Variants in BICD1 observed in about 807,000 individuals in gnomAD.
BICD1 encodes BICD cargo adaptor 1.
A neutral mutation model predicts 92.5 loss-of-function variants in BICD1; 35 were observed. The observed-to-expected ratio is 0.38, with a 90% CI of 0.29 to 0.50. The LOEUF is 0.50. BICD1 is among the 20% of genes least tolerant of loss of function. The pLI, the probability that BICD1 is intolerant of heterozygous loss-of-function variation, is 0.93. For synonymous variants in BICD1, 429 were observed against 465.1 expected, an observed-to-expected ratio of 0.92 and a Z score of 1.00; for missense variants, 950 against 1,189.8, an observed-to-expected ratio of 0.80 and a Z score of 2.97.
chr12:32,143,803 T>C (rs1177836687), intron 1 of BICD1, among the ~76,000 whole-genome samples: 1 of 152,228 alleles, frequency 6.6e-6, no homozygotes, highest in Non-Finnish European at 1.5e-5. Context: ...TTGGATATTG[T>C]CAGATTTTAA....
intron 2 of BICD1, among the ~76,000 whole-genome samples, chr12:32,245,684 T>G (rs1052176319): frequency 9.9e-5 from 15 of 152,082 alleles, no homozygotes; most frequent in Non-Finnish European, 2.9e-5. Flanking sequence ...AATGAGGTAA[T>G]GCAAAGCTCT....
At chr12:32,293,397 A>G (rs1260767486) in intron 2 of BICD1, among the ~76,000 whole-genome samples, 1 of 151,888 alleles carries the variant, frequency 6.6e-6, no homozygotes, top group Non-Finnish European at 1.5e-5. Context: ...GGCTCACTGC[A>G]ACCTCCGCAT....
At chr12:32,157,685 C>T (rs773062736) in intron 1 of BICD1, among the ~76,000 whole-genome samples, 2 of 152,216 alleles carry the variant, frequency 1.3e-5, no homozygotes, top group South Asian at 2.1e-4. Context: ...CTCAGCATGA[C>T]AGCTGGTTTC....
intron 1 of BICD1, among the ~76,000 whole-genome samples, chr12:32,164,190 TGTTGAGTCAAATCATTGAG>T (rs1402140148): frequency 6.6e-6 from 1 of 152,218 alleles, no homozygotes; most frequent in Non-Finnish European, 1.5e-5. Flanking sequence ...CCTAGACTGA[TGTTGAGTCAAATCATTGAG>T]ACTTACAGAT....
chr12:32,156,756 C>CAGAACACTCATGTTTAGATCAGCCA (rs1379310664), intron 1 of BICD1, among the ~76,000 whole-genome samples: 8 of 152,176 alleles, frequency 5.3e-5, no homozygotes, highest in Non-Finnish European at 1.2e-4. Flanking sequence ...GTGTGTATTG[C>CAGAACACTCATGTTTAGATCAGCCA]AGAACACTCA....
At chr12:32,267,062 G>C (rs2136138176) in intron 2 of BICD1, among the ~76,000 whole-genome samples, 1 of 152,244 alleles carries the variant, frequency 6.6e-6, no homozygotes, top group Non-Finnish European at 1.5e-5. Flanking sequence ...GATGACAGAG[G>C]CTGACATGTC....
At chr12:32,270,983 C>CTT (rs1947124260) in intron 2 of BICD1, among the ~76,000 whole-genome samples, 1 of 152,194 alleles carries the variant, frequency 6.6e-6, no homozygotes, top group Non-Finnish European at 1.5e-5. Flanking sequence ...CAGCCGGAAG[C>CTT]CACCATGCGC....
At chr12:32,375,278 C>A (rs1008669113) in intron 9 of BICD1, among the ~76,000 whole-genome samples, 2 of 151,834 alleles carry the variant, frequency 1.3e-5, no homozygotes, top group Admixed American at 1.3e-4. Flanking sequence ...TGTGTAATCT[C>A]AGCACTTTGA....
At chr12:32,293,663 C>T (rs964819543) in intron 2 of BICD1, among the ~76,000 whole-genome samples, 5 of 151,978 alleles carry the variant, frequency 3.3e-5, no homozygotes, top group Non-Finnish European at 5.9e-5. Context: ...TATAATGTTC[C>T]GTTCAATGGA....
At chr12:32,239,048 C>T (rs1165081561) in intron 2 of BICD1, among the ~76,000 whole-genome samples, 5 of 147,050 alleles carry the variant, frequency 3.4e-5, no homozygotes, top group South Asian at 2.2e-4. Flanking sequence ...AGATCAAGAC[C>T]GTGCTGGCTA....
intron 2 of BICD1, among the ~76,000 whole-genome samples, chr12:32,221,832 C>T (rs1945541749): frequency 6.6e-6 from 1 of 152,076 alleles, no homozygotes; most frequent in Admixed American, 6.5e-5. Flanking sequence ...GTGAAGAAAT[C>T]TCTGAGTTCT....
At chr12:32,221,721 G>A (rs1945538951) in intron 2 of BICD1, among the ~76,000 whole-genome samples, 1 of 151,796 alleles carries the variant, frequency 6.6e-6, no homozygotes, top group African/African-American at 2.4e-5. Flanking sequence ...ATAAAATACA[G>A]GGAGTATAAA....
At chr12:32,354,013 C>G (rs1039962452) in intron 8 of BICD1, 2 of 152,158 alleles carry the variant, frequency 1.3e-5, no homozygotes, top group Non-Finnish European at 2.9e-5. Flanking sequence ...TCTTTCCTAC[C>G]ATAAGCTATT....
At chr12:32,220,208 A>T (rs1286795778) in intron 2 of BICD1, among the ~76,000 whole-genome samples, 1 of 152,206 alleles carries the variant, frequency 6.6e-6, no homozygotes, top group Non-Finnish European at 1.5e-5. Context: ...ATAAAACACC[A>T]AAAGCAATGG....
intron 5 of BICD1, among the ~76,000 whole-genome samples, chr12:32,329,286 A>G (rs776222094): frequency 2.1e-4 from 32 of 152,042 alleles, no homozygotes; most frequent in Non-Finnish European, 4.1e-4. Context: ...TTGTGGAGAC[A>G]GAATTTCACC....
rs61926958 is a variant in BICD1, at chr12:32,272,868, G to A, written c.427-21126G>A. Among the ~76,000 whole-genome samples, 1,080 of 152,232 alleles carry A rather than the reference G, an allele frequency of 7.1e-3. 8 individuals are homozygous for A. The highest frequency in any genetic ancestry group is 0.011 in the Non-Finnish European group (756 of 68,004). On this transcript the variant is annotated intron_variant, in intron 2 of 9. Coordinates refer to ENST00000652176, the MANE Select transcript of BICD1 (RefSeq NM_001714.4). ...AGACTCTTGTGGAGGGTTTAGATTG[G>A]AAAATAAGTAATGACAGTGAAGCAG...
At chr12:32,288,747 T>C (rs1947647632) in intron 2 of BICD1, among the ~76,000 whole-genome samples, 1 of 151,642 alleles carries the variant, frequency 6.6e-6, no homozygotes, top group African/African-American at 2.4e-5. Context: ...GCACCTGTAA[T>C]CCCAGCTACT....
chr12:32,208,157 C>T (rs980937935), intron 1 of BICD1, among the ~76,000 whole-genome samples: 1 of 152,210 alleles, frequency 6.6e-6, no homozygotes, highest in Non-Finnish European at 1.5e-5. Flanking sequence ...TCATTTTACA[C>T]ATGAGGTAAC....
At chr12:32,375,294 C>T (rs1387826736) in intron 9 of BICD1, among the ~76,000 whole-genome samples, 4 of 151,790 alleles carry the variant, frequency 2.6e-5, no homozygotes, top group Non-Finnish European at 4.4e-5. Flanking sequence ...TTTGAGAGGC[C>T]GAGGTGGGCA....
Sources: allele counts gnomAD v4.1 joint callset (sites outside exome capture counted in the v4.1 genomes callset), GRCh38; gene constraint gnomAD v4.1.1; transcripts MANE v1.5; gene names NCBI Gene and HGNC (gene_info 2026-07-23, HGNC 2026-07-21).